The following CISD1 variants were observed in gnomAD, a reference collection of about 807,000 sequenced individuals.
The protein encoded by CISD1 is CDGSH iron sulfur domain 1, also known as CDGSH iron-sulfur domain-containing protein 1.
In CISD1, 8 loss-of-function variants were observed where a neutral mutation model predicts 12.0. The ratio of observed to expected loss-of-function variants is 0.67; its 90% CI spans 0.39 to 1.20. CISD1 has a LOEUF of 1.20. Among genes scored for constraint, CISD1 ranks in the 50% most tolerant of loss-of-function variants. The pLI is 0.01. For synonymous variants in CISD1, 38 were observed against 42.2 expected, an observed-to-expected ratio of 0.90 and a Z score of 0.39; for missense variants, 107 against 132.7, an observed-to-expected ratio of 0.81 and a Z score of 0.95.
At chr10:58,270,884 G>A (rs905201118) in intron 1 of CISD1, among the ~76,000 whole-genome samples, 1 of 152,102 alleles carries the variant, frequency 6.6e-6, no homozygotes, top group Non-Finnish European at 1.5e-5. Context: ...TATTTTTTGA[G>A]ACAGAGTCTC....
intron 2 of CISD1, among the ~76,000 whole-genome samples, chr10:58,277,960 C>A (rs1839334036): frequency 6.6e-6 from 1 of 152,134 alleles, no homozygotes; most frequent in Admixed American, 6.5e-5. Context: ...TGGTAAATGT[C>A]CTATACCTTC....
chr10:58,286,461 A>C (rs1366577051), intron 2 of CISD1, among the ~76,000 whole-genome samples: 1 of 152,236 alleles, frequency 6.6e-6, no homozygotes, highest in Non-Finnish European at 1.5e-5. Flanking sequence ...GCTCTACAGA[A>C]AACTATGATA....
chr10:58,271,579 A>T (rs1357876652), intron 1 of CISD1, among the ~76,000 whole-genome samples: 1 of 152,186 alleles, frequency 6.6e-6, no homozygotes. Flanking sequence ...ATCAATTTAG[A>T]TCTTTTAATT....
At chr10:58,272,704 G>A (rs2790175) in intron 1 of CISD1, among the ~76,000 whole-genome samples, 6,354 of 152,264 alleles carry the variant, frequency 0.042, 260 homozygotes, top group African/African-American at 0.1. Flanking sequence ...AGATCATGAG[G>A]TCAGGAGTTC....
chr10:58,275,734 G>A (rs1170353358), intron 1 of CISD1, among the ~76,000 whole-genome samples: 1 of 152,142 alleles, frequency 6.6e-6, no homozygotes, highest in Non-Finnish European at 1.5e-5. Flanking sequence ...CAGAAATTAT[G>A]CTCTCTTACG....
At chr10:58,271,937 A>C (rs1467937696) in intron 1 of CISD1, among the ~76,000 whole-genome samples, 1 of 152,078 alleles carries the variant, frequency 6.6e-6, no homozygotes, top group Non-Finnish European at 1.5e-5. Context: ...TTCACTGCCT[A>C]CTCGTCCAGT....
Position 58,271,043 on chromosome 10 carries a change from AT to A in CISD1, c.31+1753del, listed in dbSNP as rs775206917. On this transcript the variant is annotated intron_variant, in intron 1 of 2. Coordinates refer to ENST00000333926, the MANE Select transcript of CISD1 (RefSeq NM_018464.5). Reference sequence around the variant, plus strand: ...TGAGACACCACACGTTGCCATGACTATTTTTTTTTTTTTTGAGGCGGAGTCT... The same window carrying A: ...TGAGACACCACACGTTGCCATGACTATTTTTTTTTTTTTGAGGCGGAGTCT... Among the ~76,000 whole-genome samples, 255 of 128,602 alleles carry A rather than the reference AT, an allele frequency of 2.0e-3. 1 individual carries two copies. The highest frequency in any genetic ancestry group is 3.8e-3 in the Middle Eastern group (1 of 266). 84.4% of individuals were successfully genotyped at this position (128,602 alleles called of 152,430 possible).
chr10:58,287,650 A>C lies in CISD1; in HGVS notation c.327A>C (p.Ter109TyrextTer27). ...TGATCATCAAGAAAAAAGAAACTTA[A>C]ATGGACACTTTTGATGCTGCAAATC... ...GPLIIKKKET[*>Y] The change falls in exon 3 of 3, where the codon TAA becomes TAC. Residue 109 changes from the stop codon to tyrosine, a stop_lost. Coordinates refer to ENST00000333926, the MANE Select transcript of CISD1 (RefSeq NM_018464.5). 6.3e-7 allele frequency: 1 copy of C among 1,596,782 alleles called. No individual in the cohort carries two copies. The highest frequency in any genetic ancestry group is 8.6e-7 in the Non-Finnish European group (1 of 1,167,706).
intron 1 of CISD1, among the ~76,000 whole-genome samples, chr10:58,271,744 TA>T (rs1363643545): frequency 7.0e-6 from 1 of 142,154 alleles, no homozygotes; most frequent in Non-Finnish European, 1.5e-5. Context: ...AGAAGAAAAA[TA>T]AAAGGTAGTT....
In CISD1 at chr10:58,275,266, A is replaced by G. The variant is rs572245007; in HGVS notation, c.32-1851A>G. Among the ~76,000 whole-genome samples the G allele has an allele frequency of 5.9e-5, 9 of 152,310 alleles. No individual in the cohort carries two copies. The South Asian group carries it at 1.7e-3, about 28-fold the overall frequency. On this transcript the variant is annotated intron_variant, in intron 1 of 2. Coordinates refer to ENST00000333926, the MANE Select transcript of CISD1 (RefSeq NM_018464.5). ...CATTAGCTATTCAGAGTGGCTTTCC[A>G]TTAGCTAAGAAGTGGATTGCTACAG...
intron 2 of CISD1, among the ~76,000 whole-genome samples, chr10:58,286,204 CAAAAAAAAAA>C (rs755174757): frequency 1.2e-5 from 1 of 85,938 alleles, no homozygotes; most frequent in African/African-American, 4.4e-5. Flanking sequence ...GACTCCGTTT[CAAAAAAAAAA>C]AAAAAAGTAA....
intron 2 of CISD1, among the ~76,000 whole-genome samples, chr10:58,277,647 A>G (rs187109819): frequency 1.3e-5 from 2 of 150,188 alleles, no homozygotes; most frequent in Admixed American, 6.7e-5. Flanking sequence ...TTTGCCTTCC[A>G]TATGCTCTTA....
Position 58,288,410 on chromosome 10 carries a change from A to T in CISD1, c.*760A>T, listed in dbSNP as rs1839453084. ...AATTCTGGCCCAAGGAATGGTAAGC[A>T]CTTGAACTGAGGATTTTGAAGGAAT... is the stretch of plus-strand genomic sequence containing the variant. On this transcript the variant is annotated 3_prime_UTR_variant, in exon 3 of 3. Transcript: ENST00000333926. 1 of 152,316 alleles carries T rather than the reference A, an allele frequency of 6.6e-6. No homozygotes were observed. Among genetic ancestry groups the T allele is most frequent in the African/African-American group, 2.4e-5 (1 of 41,464 alleles). The allele number at this position is 152,316 out of a possible 1,614,324, so 9.4% of individuals were successfully genotyped here. A position where few individuals can be genotyped will look rare whatever the true frequency, so the allele number is the denominator to read the frequency against.
intron 1 of CISD1, among the ~76,000 whole-genome samples, chr10:58,273,764 T>C (rs1477304778): frequency 6.6e-6 from 1 of 152,214 alleles, no homozygotes; most frequent in Non-Finnish European, 1.5e-5. Context: ...ATATAAAGCA[T>C]GATTACACAA....
intron 2 of CISD1, among the ~76,000 whole-genome samples, chr10:58,284,674 C>T (rs1839410120): frequency 6.7e-6 from 1 of 148,450 alleles, no homozygotes; most frequent in Non-Finnish European, 1.5e-5. Context: ...TGATATATGA[C>T]TTTCTTTATA....
At chr10:58,272,780 A>G (rs188515499) in intron 1 of CISD1, among the ~76,000 whole-genome samples, 1 of 152,240 alleles carries the variant, frequency 6.6e-6, no homozygotes, top group Admixed American at 6.5e-5. Context: ...TTAGCCAGGC[A>G]TGGTGGCACG....
chr10:58,278,792 C>T (rs576778439), intron 2 of CISD1, among the ~76,000 whole-genome samples: 2 of 152,052 alleles, frequency 1.3e-5, no homozygotes, highest in African/African-American at 4.8e-5. Context: ...TGACATGACA[C>T]CACAAGTGGA....
At chr10:58,285,054 G>A (rs1386272354) in intron 2 of CISD1, among the ~76,000 whole-genome samples, 2 of 151,936 alleles carry the variant, frequency 1.3e-5, no homozygotes, top group Non-Finnish European at 2.9e-5. Flanking sequence ...CCTCATCCAT[G>A]CCAAGAAAAA....
chr10:58,272,935 A>AG (rs1406282240), intron 1 of CISD1, among the ~76,000 whole-genome samples: 1 of 152,032 alleles, frequency 6.6e-6, no homozygotes, highest in Non-Finnish European at 1.5e-5. Flanking sequence ...AAGAAAAATA[A>AG]GGGGGGAGTT....
Sources: allele counts gnomAD v4.1 joint callset (sites outside exome capture counted in the v4.1 genomes callset), GRCh38; gene constraint gnomAD v4.1.1; transcripts MANE v1.5; gene names NCBI Gene and HGNC (gene_info 2026-07-23, HGNC 2026-07-21).